The following AP3B1 variants were observed in gnomAD, a reference collection of about 807,000 sequenced individuals.
AP3B1 encodes AP-3 complex subunit beta-1.
Under a neutral mutation model 132.5 loss-of-function variants are expected in AP3B1, and 61 were observed. The ratio of observed to expected loss-of-function variants is 0.46; its 90% CI spans 0.37 to 0.57. AP3B1 has a LOEUF of 0.57. Ranked by LOEUF, AP3B1 falls within the 20% of genes least tolerant of loss-of-function variation. The probability of loss-of-function intolerance (pLI) is 0.00; values close to 1 mark genes in which losing one functional copy is unlikely to be tolerated. For synonymous variants in AP3B1, 388 were observed against 438.3 expected (o/e 0.89, Z 1.43); for missense variants, 1,120 against 1,289.4 (o/e 0.87, Z 2.01).
At chr5:78,108,479 A>G (rs560489144) in intron 20 of AP3B1, among the ~76,000 whole-genome samples, 1 of 152,178 alleles carries the variant, frequency 6.6e-6, no homozygotes, top group Middle Eastern at 3.4e-3. Flanking sequence ...AAAGCAAAAA[A>G]CTCCACAGTC....
intron 2 of AP3B1, among the ~76,000 whole-genome samples, chr5:78,266,074 G>A (rs765688535): frequency 9.9e-5 from 15 of 151,694 alleles, no homozygotes; most frequent in Non-Finnish European, 1.6e-4. Context: ...TGACATGATT[G>A]ATCATGGATC....
intron 3 of AP3B1, among the ~76,000 whole-genome samples, chr5:78,232,613 G>A (rs1746694118): frequency 6.6e-6 from 1 of 152,160 alleles, no homozygotes; most frequent in African/African-American, 2.4e-5. Flanking sequence ...GCAATAAATT[G>A]TCTTATTTCA....
rs1308141278 is a variant in AP3B1, at chr5:78,119,919, AACGTTAAGGGC to A, written c.1969-3696_1969-3686del. Among the ~76,000 whole-genome samples the A allele has an allele frequency of 2.0e-5, 3 of 152,160 alleles. No individual in the cohort carries two copies. The East Asian group carries it at 5.8e-4, about 29-fold the overall frequency. ...TCACCAAACTTGAAATGAAGGAAAA[AACGTTAAGGGC>A]AGCCAGAGAGAAAGGTCGGGTTACC... On this transcript the variant is annotated intron_variant, in intron 17 of 26. Coordinates refer to ENST00000255194, the MANE Select transcript of AP3B1 (RefSeq NM_003664.5).
intron 1 of AP3B1, among the ~76,000 whole-genome samples, chr5:78,269,473 A>G (rs889695342): frequency 6.6e-6 from 1 of 152,218 alleles, no homozygotes; most frequent in African/African-American, 2.4e-5. Context: ...CCCCAGAATG[A>G]ACTAGTAACT....
intron 20 of AP3B1, among the ~76,000 whole-genome samples, chr5:78,109,974 C>CA (rs1343699548): frequency 2.6e-5 from 4 of 152,072 alleles, no homozygotes; most frequent in African/African-American, 9.7e-5. Context: ...CAAAACCCCC[C>CA]CCTTGTCACA....
At chr5:78,293,632 C>A (rs1749627598) in intron 1 of AP3B1, among the ~76,000 whole-genome samples, 1 of 152,038 alleles carries the variant, frequency 6.6e-6, no homozygotes, top group Non-Finnish European at 1.5e-5. Context: ...TTATGTGACC[C>A]TATTGCTTAG....
At chr5:78,176,253 A>C (rs1157302817) in intron 9 of AP3B1, among the ~76,000 whole-genome samples, 1 of 152,168 alleles carries the variant, frequency 6.6e-6, no homozygotes, top group African/African-American at 2.4e-5. Flanking sequence ...TTTTAGACCC[A>C]AATATCTAAT....
In AP3B1 at chr5:78,110,368, TA is replaced by T; in HGVS notation, c.2250-15del. The T allele has an allele frequency of 6.3e-7, 1 of 1,593,360 alleles. No individual in the cohort carries two copies. Among genetic ancestry groups the T allele is most frequent in the Non-Finnish European group, 8.6e-7 (1 of 1,165,626 alleles). On this transcript the variant is annotated splice_polypyrimidine_tract_variant and intron_variant, in intron 19 of 26. Coordinates refer to ENST00000255194, the MANE Select transcript of AP3B1 (RefSeq NM_003664.5). ...TCTTCAGAATCACTACACATAATAG[TA>T]AATTTTGAAATATGAACTTTAACTC...
At chr5:78,093,707 C>G (rs1750637589) in intron 21 of AP3B1, among the ~76,000 whole-genome samples, 1 of 152,198 alleles carries the variant, frequency 6.6e-6, no homozygotes, top group Admixed American at 6.5e-5. Context: ...TTGGCATCAT[C>G]AGCACCAGCA....
In AP3B1 at chr5:78,175,697, C is replaced by T. The variant is rs370883425; in HGVS notation, c.1096G>A (p.Gly366Arg). The stretch of plus-strand genomic sequence containing the variant: ...CTCTTCAGATAAGGTTCAAACATCC[C>T]CTGGATTACAAAAATAAATACAAAA... Reference protein sequence around the residue: ...NIATMSIQRKGMFEPYLKSFY... With the variant: ...NIATMSIQRKRMFEPYLKSFY... Residue 366 changes from glycine (G) to arginine (R), a missense_variant and splice_region_variant, in exon 11 of 27, where the codon GGG becomes AGG. By Grantham distance (125) the Gly-to-Arg change is moderately radical. Coordinates refer to ENST00000255194, the MANE Select transcript of AP3B1 (RefSeq NM_003664.5). The T allele has an allele frequency of 1.2e-6, 2 of 1,612,842 alleles. No homozygotes were observed. The highest frequency in any genetic ancestry group is 2.7e-5 in the African/African-American group (2 of 74,838).
chr5:78,097,122 C>A (rs1353196779), intron 21 of AP3B1, among the ~76,000 whole-genome samples: 2 of 134,332 alleles, frequency 1.5e-5, no homozygotes, highest in Non-Finnish European at 3.2e-5. Flanking sequence ...GGGGTCAGCC[C>A]CCCACCCGGC....
chr5:78,113,159 C>T (rs565807044), intron 19 of AP3B1, among the ~76,000 whole-genome samples: 1 of 152,290 alleles, frequency 6.6e-6, no homozygotes, highest in South Asian at 2.1e-4. Flanking sequence ...ACCATCATGT[C>T]GGCAGAGGCC....
At chr5:78,080,011 C>T (rs1749922786) in intron 22 of AP3B1, among the ~76,000 whole-genome samples, 1 of 151,926 alleles carries the variant, frequency 6.6e-6, no homozygotes, top group African/African-American at 2.4e-5. Flanking sequence ...TTGTAATTTT[C>T]CTATTTATTT....
rs1448700462 is a variant in AP3B1, at chr5:78,039,042, C to T, written c.2809+1G>A. The T allele has an allele frequency of 1.3e-6, 2 of 1,508,912 alleles. No homozygotes were observed. Among genetic ancestry groups the T allele is most frequent in the African/African-American group, 1.4e-5 (1 of 72,552 alleles). The allele number at this position is 1,508,912 out of a possible 1,614,324, so 93.5% of individuals were successfully genotyped here. Reference sequence around the variant, plus strand: ...GGTTTTAAATGAGAATTAATATTTACCTATTGGATTAAAAACATGCATTTT... The same window carrying T: ...GGTTTTAAATGAGAATTAATATTTATCTATTGGATTAAAAACATGCATTTT... On this transcript the variant is annotated splice_donor_variant, in intron 23 of 26. Transcript: ENST00000255194. LOFTEE classifies it high-confidence loss of function.
At chr5:78,050,610 TAAA>T (rs1195761598) in intron 22 of AP3B1, among the ~76,000 whole-genome samples, 3 of 152,160 alleles carry the variant, frequency 2.0e-5, no homozygotes, top group African/African-American at 7.2e-5. Context: ...TGTGAACAAA[TAAA>T]GAAGTACATT....
intron 7 of AP3B1, among the ~76,000 whole-genome samples, chr5:78,202,663 A>G (rs1165304263): frequency 6.6e-6 from 1 of 152,044 alleles, no homozygotes; most frequent in Non-Finnish European, 1.5e-5. Context: ...GAAAAAAATT[A>G]AAACAATACT....
intron 22 of AP3B1, among the ~76,000 whole-genome samples, chr5:78,071,127 T>G (rs773588236): frequency 6.6e-6 from 1 of 152,340 alleles, no homozygotes; most frequent in African/African-American, 2.4e-5. Context: ...ATTGCAGCAC[T>G]ATTCACAACA....
chr5:78,056,724 G>T (rs949557528), intron 22 of AP3B1, among the ~76,000 whole-genome samples: 1 of 152,186 alleles, frequency 6.6e-6, no homozygotes, highest in African/African-American at 2.4e-5. Context: ...TTAAAGAGCA[G>T]TCCCCAGTAT....
intron 20 of AP3B1, among the ~76,000 whole-genome samples, chr5:78,103,606 A>G (rs1751216437): frequency 6.6e-6 from 1 of 152,196 alleles, no homozygotes; most frequent in Non-Finnish European, 1.5e-5. Flanking sequence ...TTTTTTAAAT[A>G]GAGGATTAGG....
Sources: allele counts gnomAD v4.1 joint callset (sites outside exome capture counted in the v4.1 genomes callset), GRCh38; gene constraint gnomAD v4.1.1; transcripts MANE v1.5; gene names NCBI Gene and HGNC (gene_info 2026-07-23, HGNC 2026-07-21).